The following ESR1 variants were observed in gnomAD, a reference collection of about 807,000 sequenced individuals.
ESR1 encodes estrogen receptor 1, also known as estrogen receptor.
A neutral mutation model predicts 52.7 loss-of-function variants in ESR1; 12 were observed. The ratio of observed to expected loss-of-function variants is 0.23; its 90% CI spans 0.15 to 0.37. The LOEUF (loss-of-function observed/expected upper bound fraction) is 0.37. Ranked by LOEUF, ESR1 falls within the 10% of genes least tolerant of loss-of-function variation. The pLI, the probability that ESR1 is intolerant of heterozygous loss-of-function variation, is 1.00. For synonymous variants in ESR1, 305 were observed against 316.8 expected (o/e 0.96, Z 0.39); for missense variants, 584 against 779.7 (o/e 0.75, Z 2.99).
intron 3 of ESR1, among the ~76,000 whole-genome samples, chr6:151,904,175 C>T (rs1797103416): frequency 6.6e-6 from 1 of 152,112 alleles, no homozygotes; most frequent in Admixed American, 6.5e-5. Context: ...GTGCATAGAC[C>T]TGTAGAAAAT....
intron 3 of ESR1, among the ~76,000 whole-genome samples, chr6:151,893,451 A>G (rs1029421757): frequency 1.3e-5 from 2 of 151,854 alleles, no homozygotes; most frequent in African/African-American, 4.8e-5. Flanking sequence ...ACAGAATTAT[A>G]TTTAGGTGAT....
intron 2 of ESR1, among the ~76,000 whole-genome samples, chr6:151,777,410 C>A (rs181480276): frequency 0.087 from 13,193 of 151,994 alleles, 684 homozygotes; most frequent in African/African-American, 0.1. Flanking sequence ...TGAGCCACCG[C>A]ACCTGGCCTA....
intron 3 of ESR1, among the ~76,000 whole-genome samples, chr6:151,902,960 G>C (rs1719056838): frequency 6.6e-6 from 1 of 152,086 alleles, no homozygotes. Context: ...TTGCCCTGAG[G>C]AACCTACAAG....
At chr6:151,827,831 C>T (rs190007444) in intron 1 of ESR1, among the ~76,000 whole-genome samples, 56 of 152,182 alleles carry the variant, frequency 3.7e-4, no homozygotes, top group Admixed American at 9.8e-4. Context: ...GTCCATTTAC[C>T]GAAAGACTAT....
At chr6:152,125,037 C>T (rs892577254) in intron 6 of ESR1, among the ~76,000 whole-genome samples, 1 of 152,224 alleles carries the variant, frequency 6.6e-6, no homozygotes, top group Non-Finnish European at 1.5e-5. Flanking sequence ...CTGGCTCAAG[C>T]TCACACAGCC....
At chr6:152,082,084 A>C (rs1454363204) in intron 6 of ESR1, among the ~76,000 whole-genome samples, 1 of 152,204 alleles carries the variant, frequency 6.6e-6, no homozygotes, top group Non-Finnish European at 1.5e-5. Context: ...TCAATAGAAA[A>C]AGAGGGACTC....
At chr6:151,732,627 A>G (rs1441124823) in intron 2 of ESR1, among the ~76,000 whole-genome samples, 8 of 151,742 alleles carry the variant, frequency 5.3e-5, no homozygotes, top group Admixed American at 3.3e-4. Flanking sequence ...TTTTCAGTTG[A>G]CCTATTGCTT....
intron 3 of ESR1, among the ~76,000 whole-genome samples, chr6:151,883,128 T>C (rs771233063): frequency 2.8e-4 from 43 of 152,090 alleles, no homozygotes; most frequent in Admixed American, 7.9e-4. Flanking sequence ...CCTCCCTTTT[T>C]TTTTTTTGAG....
chr6:151,735,275 C>G (rs1214223299), intron 2 of ESR1, among the ~76,000 whole-genome samples: 6 of 152,122 alleles, frequency 3.9e-5, no homozygotes. Context: ...CCCTGTTGTC[C>G]TGCAGATTTT....
At chr6:152,064,358 C>T (rs1386137186) in intron 6 of ESR1, among the ~76,000 whole-genome samples, 2 of 152,246 alleles carry the variant, frequency 1.3e-5, no homozygotes, top group Non-Finnish European at 2.9e-5. Flanking sequence ...ATCCCCTCTG[C>T]CCAATGGGAA....
intron 2 of ESR1, among the ~76,000 whole-genome samples, chr6:151,717,502 A>G (rs1165252427): frequency 6.6e-6 from 1 of 152,208 alleles, no homozygotes; most frequent in Non-Finnish European, 1.5e-5. Flanking sequence ...TACATGATAT[A>G]TTTCTACATT....
intron 2 of ESR1, among the ~76,000 whole-genome samples, chr6:151,732,321 G>T (rs1240295561): frequency 6.6e-6 from 1 of 152,038 alleles, no homozygotes; most frequent in Non-Finnish European, 1.5e-5. Flanking sequence ...AGTATCTTGT[G>T]GTCACATACT....
intron 2 of ESR1, among the ~76,000 whole-genome samples, chr6:151,705,640 C>T (rs544932772): frequency 6.6e-6 from 1 of 152,308 alleles, no homozygotes; most frequent in African/African-American, 2.4e-5. Context: ...TACTTCTCTG[C>T]TGTATTTCCA....
At chr6:151,763,716 C>CA (rs2128099891) in intron 2 of ESR1, among the ~76,000 whole-genome samples, 1 of 152,320 alleles carries the variant, frequency 6.6e-6, no homozygotes, top group African/African-American at 2.4e-5. Context: ...AAAATATACC[C>CA]AGAGCCCAGG....
intron 3 of ESR1, among the ~76,000 whole-genome samples, chr6:151,915,355 C>T (rs2029869800): frequency 6.6e-6 from 1 of 152,144 alleles, no homozygotes; most frequent in African/African-American, 2.4e-5. Context: ...TAATTATTTA[C>T]AATTTTGTAA....
At chr6:152,114,366 T>C (rs1230581419) in intron 6 of ESR1, among the ~76,000 whole-genome samples, 1 of 152,118 alleles carries the variant, frequency 6.6e-6, no homozygotes, top group African/African-American at 2.4e-5. Flanking sequence ...TTTGTGAACA[T>C]GTAGGTCTCA....
intron 2 of ESR1, among the ~76,000 whole-genome samples, chr6:151,848,028 T>C (rs11155817): frequency 0.65 from 41,236 of 63,396 alleles, 13,361 homozygotes; most frequent in Non-Finnish European, 0.77. Context: ...CACATGCACA[T>C]GTATGTTTAT....
chr6:151,772,231 T>G (rs535763243), intron 2 of ESR1, among the ~76,000 whole-genome samples: 286 of 152,298 alleles, frequency 1.9e-3, no homozygotes, highest in South Asian at 5.2e-3. Flanking sequence ...GTGAGGTACC[T>G]GTAGGGGTCT....
chr6:152,093,134 G>A (rs1010801946), intron 6 of ESR1, among the ~76,000 whole-genome samples: 5 of 151,976 alleles, frequency 3.3e-5, no homozygotes, highest in South Asian at 2.1e-4. Flanking sequence ...AAAATTAGCC[G>A]GGTGTGGTGG....
Sources: gnomAD v4.1 joint callset for allele counts (sites outside exome capture counted in the v4.1 genomes callset) on GRCh38, gnomAD v4.1.1 for gene constraint, MANE v1.5 for transcripts, NCBI Gene and HGNC (gene_info 2026-07-23, HGNC 2026-07-21) for gene names.